The following CORO7 variants were observed in gnomAD, a reference collection of about 807,000 sequenced individuals.
CORO7 encodes coronin-7.
Under a neutral mutation model 126.6 loss-of-function variants are expected in CORO7, and 107 were observed. That is an observed-to-expected ratio of 0.85 (90% CI 0.72 to 0.99). CORO7 has a LOEUF of 0.99. CORO7 is among the 50% of genes least tolerant of loss of function. The pLI, the probability that CORO7 is intolerant of heterozygous loss-of-function variation, is 0.00. For missense variants in CORO7, 1,314 were observed against 1,255.8 expected (o/e 1.05, Z -0.70); for synonymous variants, 603 against 536.8 (o/e 1.12, Z -1.70).
chr16:4,400,646 A>C (rs1373985568), intron 6 of CORO7, among the ~76,000 whole-genome samples: 3 of 148,304 alleles, frequency 2.0e-5, no homozygotes, highest in African/African-American at 7.8e-5. Flanking sequence ...AAACAAAAAC[A>C]AAAACAAAAA....
intron 1 of CORO7, 196 bp from the exon 2 acceptor site, chr16:4,413,600 C>T (rs1382524828): frequency 2.4e-5 from 12 of 493,176 alleles, no homozygotes; most frequent in African/African-American, 6.0e-5. Flanking sequence ...TGCAGTGGCG[C>T]GATCTTGGAT....
chr16:4,356,992 G>A lies in CORO7; in HGVS notation c.2685+176C>T, dbSNP rs539241363. 512 of 863,640 alleles carry A rather than the reference G, an allele frequency of 5.9e-4. 1 individual carries two copies. Among genetic ancestry groups the A allele is most frequent in the Non-Finnish European group, 7.7e-4 (436 of 566,320 alleles). 53.5% of individuals were successfully genotyped at this position (863,640 alleles called of 1,614,324 possible). On this transcript the variant is annotated intron_variant, in intron 26 of 27. Coordinates refer to ENST00000251166, the MANE Select transcript of CORO7 (RefSeq NM_024535.5). ...CTCCCACTGCCCTCCCCCACTTCCC[G>A]GGCCCCATGGTCAGTGGTAGGGCTC...
At chr16:4,391,883 G>A (rs1203659926) in intron 7 of CORO7, among the ~76,000 whole-genome samples, 3 of 152,244 alleles carry the variant, frequency 2.0e-5, no homozygotes, top group Non-Finnish European at 4.4e-5. Flanking sequence ...AATAGGAGGG[G>A]CTGTGGCAGG....
At chr16:4,361,790 C>T (rs756635839) in intron 16 of CORO7, 195 bp downstream of exon 16, 2 of 960,546 alleles carry the variant, frequency 2.1e-6, no homozygotes, top group South Asian at 1.4e-5. Flanking sequence ...CTCTCTGTGC[C>T]TCTTCTCCCT....
intron 9 of CORO7, chr16:4,383,480 G>A (rs921212658): frequency 6.0e-6 from 1 of 167,062 alleles, no homozygotes; most frequent in Non-Finnish European, 1.5e-5. Flanking sequence ...TAAGACAAAC[G>A]ATGATATGAA....
rs746279741 is a variant in CORO7 at position 4,364,983 on chromosome 16, G to T, written c.898+20C>A. The T allele has an allele frequency of 5.6e-6, 9 of 1,605,632 alleles. No homozygotes were observed. In the South Asian group the frequency reaches 8.9e-5, roughly 16 times the overall value. On this transcript the variant is annotated intron_variant, in intron 11 of 27. Coordinates refer to ENST00000251166, the MANE Select transcript of CORO7 (RefSeq NM_024535.5). ...AGGGGAGGGGAGGGTAGGGGATGGG[G>T]GCGAGGAAGCAAGGCTTACCTGGGC...
At chr16:4,356,736 A>G (rs892891863) in intron 26 of CORO7, 6 of 208,786 alleles carry the variant, frequency 2.9e-5, no homozygotes, top group Admixed American at 1.1e-4. Context: ...CCCGGCCTCA[A>G]AAGAGCCATT....
In CORO7 at chr16:4,358,447, G is replaced by A. The variant is rs534024972; in HGVS notation, c.2377C>T (p.Arg793Trp). The part of the protein sequence containing the change: ...VLLPKTECDV[R>W]EVELMRCLRL... ...AGGCACCGCATCAGCTCCACTTCCC[G>A]CACGTCGCACTCCGTCTTAGGCAGG... is the stretch of plus-strand genomic sequence containing the variant. Residue 793 changes from arginine (R) to tryptophan (W), a missense_variant, in exon 24 of 28, where the codon CGG becomes TGG. Physicochemically the swap from Arg to Trp is moderately radical, Grantham distance 101 (BLOSUM62 -3). Transcript: ENST00000251166. 10 of 1,610,258 alleles carry A rather than the reference G, an allele frequency of 6.2e-6. No homozygotes were observed. Among genetic ancestry groups the A allele is most frequent in the Admixed American group, 1.7e-5 (1 of 59,626 alleles).
At chr16:4,394,397 C>T (rs569509790) in intron 7 of CORO7, among the ~76,000 whole-genome samples, 3 of 149,944 alleles carry the variant, frequency 2.0e-5, no homozygotes, top group South Asian at 2.1e-4. Flanking sequence ...TGCAGTGAGC[C>T]GAGATCACAA....
At chr16:4,415,799 G>C in intron 1 of CORO7, 1 of 985,508 alleles carries the variant, frequency 1.0e-6, no homozygotes, top group Non-Finnish European at 1.2e-6. Flanking sequence ...TCGGGGGTCC[G>C]AAGGGTCTCC....
At chr16:4,401,767 G>C (rs2055816719) in intron 6 of CORO7, among the ~76,000 whole-genome samples, 1 of 152,140 alleles carries the variant, frequency 6.6e-6, no homozygotes, top group Non-Finnish European at 1.5e-5. Flanking sequence ...AGGAGATGAA[G>C]GGCAGGACAC....
chr16:4,360,251 T>C (rs531990097), intron 21 of CORO7, 27 bp downstream of exon 21: 3 of 1,612,990 alleles, frequency 1.9e-6, no homozygotes, highest in Non-Finnish European at 2.5e-6. Context: ...TTCTGAAGCC[T>C]GGGGATGGGG....
intron 17 of CORO7, 22 bp from the exon 18 acceptor site, chr16:4,361,270 T>C: frequency 2.5e-6 from 4 of 1,612,016 alleles, no homozygotes; most frequent in Non-Finnish European, 3.4e-6. Context: ...AGACAGGGGC[T>C]CATCATTGCT....
chr16:4,381,340 C>T (rs756641254), intron 9 of CORO7: 2 of 1,608,458 alleles, frequency 1.2e-6, no homozygotes, highest in Non-Finnish European at 1.7e-6. Context: ...GGAGCTCAAG[C>T]TGCAGGACAA....
intron 8 of CORO7, among the ~76,000 whole-genome samples, 154 bp from the exon 9 acceptor site, chr16:4,388,222 A>G (rs1463451748): frequency 2.0e-5 from 3 of 152,198 alleles, no homozygotes; most frequent in Non-Finnish European, 2.9e-5. Flanking sequence ...CCCCAGGGAA[A>G]GAGAATCTGG....
At chr16:4,359,234 G>A in intron 23 of CORO7, 62 bp downstream of exon 23, 1 of 1,499,632 alleles carries the variant, frequency 6.7e-7, no homozygotes, top group South Asian at 1.3e-5. Flanking sequence ...TGCCCACATG[G>A]CCACCAGGGG....
At chr16:4,363,581 G>A (rs942776082) in intron 14 of CORO7, among the ~76,000 whole-genome samples, 9 of 151,690 alleles carry the variant, frequency 5.9e-5, no homozygotes, top group East Asian at 3.9e-4. Context: ...GCGTGGTGGC[G>A]CACGCCTGTA....
rs191847071 is a variant in CORO7 at position 4,388,460 on chromosome 16, G to T, written c.702+85C>A. On this transcript the variant is annotated intron_variant, in intron 8 of 27. Transcript: ENST00000251166. Reference sequence around the variant, plus strand: ...GCCTGGAACTGGCCCTCAGTCCCCCGCCTCCCATTGGTTTCGTCCCCGCCC... The same window carrying T: ...GCCTGGAACTGGCCCTCAGTCCCCCTCCTCCCATTGGTTTCGTCCCCGCCC... 3,038 of 1,452,724 alleles carry T rather than the reference G, an allele frequency of 2.1e-3. 56 individuals are homozygous for T. In the African/African-American group the frequency reaches 0.038, roughly 18 times the overall value. The allele number at this position is 1,452,724 out of a possible 1,614,324, so 90.0% of individuals were successfully genotyped here.
chr16:4,360,791 C>A (rs2054147688), intron 19 of CORO7, 152 bp downstream of exon 19: 3 of 1,459,236 alleles, frequency 2.1e-6, no homozygotes, highest in African/African-American at 2.9e-5. Flanking sequence ...ACCACTGGCC[C>A]CCCTCTCCTC....
Sources: allele counts gnomAD v4.1 joint callset (sites outside exome capture counted in the v4.1 genomes callset), GRCh38; gene constraint gnomAD v4.1.1; transcripts MANE v1.5; gene names NCBI Gene and HGNC (gene_info 2026-07-23, HGNC 2026-07-21).